FBXL20: variants seen among roughly 807,000 people sequenced by gnomAD.
FBXL20 encodes F-box and leucine rich repeat protein 20, also known as F-box/LRR-repeat protein 20.
A neutral mutation model predicts 64.0 loss-of-function variants in FBXL20; 11 were observed. That is an observed-to-expected ratio of 0.17 (90% CI 0.11 to 0.28). The LOEUF (loss-of-function observed/expected upper bound fraction) is 0.28, where lower values mean the gene tolerates loss of function less well. Among genes scored for constraint, FBXL20 ranks in the 10% least tolerant of loss-of-function variants. FBXL20 has a pLI of 1.00. For synonymous variants in FBXL20, 184 were observed against 189.0 expected (o/e 0.97, Z 0.22); for missense variants, 303 against 526.2 (o/e 0.58, Z 4.15).
intron 1 of FBXL20, among the ~76,000 whole-genome samples, chr17:39,394,141 T>C (rs1166969698): frequency 6.6e-6 from 1 of 152,142 alleles, no homozygotes; most frequent in Non-Finnish European, 1.5e-5. Context: ...TGTGCACAAG[T>C]AGCTAAATTT....
intron 1 of FBXL20, among the ~76,000 whole-genome samples, chr17:39,394,384 T>C (rs1465250091): frequency 1.3e-5 from 2 of 150,558 alleles, no homozygotes; most frequent in African/African-American, 4.9e-5. Context: ...GCCATTCTCC[T>C]GCCTCAGCCT....
intron 2 of FBXL20, among the ~76,000 whole-genome samples, chr17:39,309,724 G>A (rs2047214478): frequency 6.7e-6 from 1 of 150,010 alleles, no homozygotes; most frequent in Non-Finnish European, 1.5e-5. Context: ...CCTGCGAGGC[G>A]CAGGTTGCAG....
rs375439559 is a variant in FBXL20 at position 39,351,339 on chromosome 17, CA to C, written c.43-8099del. On this transcript the variant is annotated intron_variant, in intron 1 of 14. Transcript: ENST00000264658. Reference sequence around the variant, plus strand: ...CAACAAGAGAGAAACTCTGTCTCACCAAAAAAAAAAAAAAAAAGAATCCTAA... The same window carrying C: ...CAACAAGAGAGAAACTCTGTCTCACCAAAAAAAAAAAAAAAAGAATCCTAA... Among the ~76,000 whole-genome samples, 649 of 95,708 alleles carry C rather than the reference CA, an allele frequency of 6.8e-3. 2 individuals carry two copies. Among genetic ancestry groups the C allele is most frequent in the Middle Eastern group, 0.011 (2 of 180 alleles). The allele number at this position is 95,708 out of a possible 152,430, so 62.8% of individuals were successfully genotyped here.
intron 1 of FBXL20, among the ~76,000 whole-genome samples, chr17:39,361,122 G>A (rs2047789492): frequency 6.6e-6 from 1 of 152,076 alleles, no homozygotes; most frequent in African/African-American, 2.4e-5. Flanking sequence ...GTTCAGTCAG[G>A]ACAGCAAAGT....
intron 2 of FBXL20, among the ~76,000 whole-genome samples, chr17:39,317,901 C>T (rs956145256): frequency 4.0e-5 from 6 of 151,776 alleles, no homozygotes; most frequent in Non-Finnish European, 2.9e-5. Flanking sequence ...CGGAGTTTCA[C>T]CGTGTTAGCC....
intron 2 of FBXL20, among the ~76,000 whole-genome samples, chr17:39,304,018 C>G (rs903647978): frequency 2.6e-5 from 4 of 151,828 alleles, no homozygotes; most frequent in African/African-American, 9.7e-5. Flanking sequence ...ATAGAAATAA[C>G]AGACTACATG....
chr17:39,349,987 TA>T (rs1394746579), intron 1 of FBXL20, among the ~76,000 whole-genome samples: 5 of 151,242 alleles, frequency 3.3e-5, no homozygotes, highest in Admixed American at 3.3e-4. Flanking sequence ...CCCAAAAAAT[TA>T]TTTAAAATAT....
At chr17:39,393,395 T>C (rs1199101100) in intron 1 of FBXL20, among the ~76,000 whole-genome samples, 1 of 152,148 alleles carries the variant, frequency 6.6e-6, no homozygotes, top group Non-Finnish European at 1.5e-5. Context: ...CAGAAAGTCA[T>C]ACCAACAAAC....
At chr17:39,264,800 G>A (rs976123985) in intron 13 of FBXL20, among the ~76,000 whole-genome samples, 2 of 152,148 alleles carry the variant, frequency 1.3e-5, no homozygotes, top group Non-Finnish European at 2.9e-5. Context: ...TTAATTAGCT[G>A]AAGATTTTTA....
At chr17:39,292,554 T>C (rs2047049047) in intron 6 of FBXL20, among the ~76,000 whole-genome samples, 1 of 152,034 alleles carries the variant, frequency 6.6e-6, no homozygotes, top group African/African-American at 2.4e-5. Flanking sequence ...CCACCACACC[T>C]GGCTTGTAAC....
chr17:39,345,417 T>G (rs968211278), intron 1 of FBXL20, among the ~76,000 whole-genome samples: 1 of 152,084 alleles, frequency 6.6e-6, no homozygotes, highest in Non-Finnish European at 1.5e-5. Context: ...TACAAAATAA[T>G]GGAGTCATAC....
intron 4 of FBXL20, among the ~76,000 whole-genome samples, chr17:39,300,574 T>C (rs1237095923): frequency 6.6e-6 from 1 of 152,156 alleles, no homozygotes; most frequent in Admixed American, 6.6e-5. Context: ...TCAACCTTCG[T>C]TCTCCACAAG....
At chr17:39,377,352 C>T (rs1240425363) in intron 1 of FBXL20, among the ~76,000 whole-genome samples, 1 of 152,142 alleles carries the variant, frequency 6.6e-6, no homozygotes, top group Non-Finnish European at 1.5e-5. Flanking sequence ...GACTTTCCCC[C>T]ACCCACCAAG....
intron 1 of FBXL20, among the ~76,000 whole-genome samples, chr17:39,391,984 A>T (rs1279383427): frequency 6.6e-6 from 1 of 152,042 alleles, no homozygotes; most frequent in Non-Finnish European, 1.5e-5. Flanking sequence ...TCTACTAAAA[A>T]TAGGAAAAAC....
At chr17:39,396,111 G>A (rs2048180771) in intron 1 of FBXL20, among the ~76,000 whole-genome samples, 1 of 148,748 alleles carries the variant, frequency 6.7e-6, no homozygotes, top group Non-Finnish European at 1.5e-5. Context: ...CCTTAACGGT[G>A]TATTCTGAGA....
Position 39,299,585 on chromosome 17 carries a change from T to C in FBXL20, c.235-501A>G, listed in dbSNP as rs557718111. Among the ~76,000 whole-genome samples, 961 of 149,580 alleles carry C rather than the reference T, an allele frequency of 6.4e-3. 16 individuals are homozygous for C. The highest frequency in any genetic ancestry group is 0.023 in the African/African-American group (919 of 40,442). ...TCACGAGGTCAGGAGATCAACACCA[T>C]CCTGGCTAACACGGTGAAACCCCAT... On this transcript the variant is annotated intron_variant, in intron 4 of 14. Transcript: ENST00000264658.
In FBXL20 at chr17:39,253,293, G is replaced by A. The variant is rs1448064655; in HGVS notation, c.*8167C>T. ...CATTATTCGGATCTGTACTCTCAGG[G>A]TCACGGGAAGGTGGGCAAAGGTGAG... On this transcript the variant is annotated 3_prime_UTR_variant, in exon 15 of 15. Coordinates refer to ENST00000264658, the MANE Select transcript of FBXL20 (RefSeq NM_032875.3). 6.6e-5 allele frequency: 10 copies of A among 152,434 alleles called. No homozygotes were observed. Among genetic ancestry groups the A allele is most frequent in the African/African-American group, 2.4e-4 (10 of 41,436 alleles). 9.4% of individuals were successfully genotyped at this position (152,434 alleles called of 1,614,324 possible).
intron 12 of FBXL20, among the ~76,000 whole-genome samples, chr17:39,266,228 T>C (rs1054609857): frequency 6.7e-6 from 1 of 150,270 alleles, no homozygotes; most frequent in South Asian, 2.1e-4. Context: ...TTGTTGTTTT[T>C]TTTTTTTTTT....
intron 2 of FBXL20, among the ~76,000 whole-genome samples, chr17:39,333,059 T>C (rs1412975213): frequency 6.6e-6 from 1 of 152,068 alleles, no homozygotes; most frequent in East Asian, 1.9e-4. Context: ...TGCCTCAGCC[T>C]CCCAAGTAGC....
Sources: gnomAD v4.1 joint callset for allele counts (sites outside exome capture counted in the v4.1 genomes callset) on GRCh38, gnomAD v4.1.1 for gene constraint, MANE v1.5 for transcripts, NCBI Gene and HGNC (gene_info 2026-07-23, HGNC 2026-07-21) for gene names.